The following ARPC1B variants were observed in gnomAD, a reference collection of about 807,000 sequenced individuals.
The protein encoded by ARPC1B is actin-related protein 2/3 complex subunit 1B.
ARPC1B carries 29 observed loss-of-function variants against 46.0 expected under a neutral mutation model. The ratio of observed to expected loss-of-function variants is 0.63; its 90% confidence interval spans 0.47 to 0.86. ARPC1B has a LOEUF of 0.86. Ranked by LOEUF, ARPC1B falls within the 40% of genes least tolerant of loss-of-function variation. The pLI is 0.00. For synonymous variants in ARPC1B, 201 were observed against 213.9 expected, an observed-to-expected ratio of 0.94 and a Z score of 0.53; for missense variants, 469 against 529.4, an observed-to-expected ratio of 0.89 and a Z score of 1.12.
At chr7:99,389,853 G>A (rs1029671961) in intron 4 of ARPC1B, 52 bp from the exon 5 acceptor site, 1 of 1,485,264 alleles carries the variant, frequency 6.7e-7, no homozygotes, top group Non-Finnish European at 9.4e-7. Context: ...TGAGGTCCAT[G>A]AGTCCCACCT....
chr7:99,389,819 G>A, intron 4 of ARPC1B, 86 bp from the exon 5 acceptor site: 1 of 1,147,826 alleles, frequency 8.7e-7, no homozygotes, highest in East Asian at 2.3e-5. Context: ...GCAGGGAGCA[G>A]TGGGAGCCTG....
intron 1 of ARPC1B, among the ~76,000 whole-genome samples, chr7:99,384,954 A>ATTTTTTTT (rs753952597): frequency 1.5e-5 from 1 of 67,420 alleles, no homozygotes; most frequent in African/African-American, 7.5e-5. Flanking sequence ...CACCTGGCTA[A>ATTTTTTTT]TTTTTTTTTT....
At chr7:99,383,947 G>A (rs1025184229) in intron 1 of ARPC1B, 1 of 152,266 alleles carries the variant, frequency 6.6e-6, no homozygotes, top group Non-Finnish European at 1.5e-5. Context: ...CAGGATTCCT[G>A]TTCCCATTTT....
chr7:99,388,334 C>T, intron 4 of ARPC1B, 73 bp downstream of exon 4: 1 of 1,453,950 alleles, frequency 6.9e-7, no homozygotes, highest in Non-Finnish European at 9.5e-7. Flanking sequence ...CGGGAAGCAC[C>T]AAATGGGATG....
chr7:99,375,200 G>GCGGT (rs1490351294), intron 1 of ARPC1B, among the ~76,000 whole-genome samples: 2 of 149,352 alleles, frequency 1.3e-5, no homozygotes, highest in African/African-American at 4.9e-5. Flanking sequence ...GCCTTGCCCC[G>GCGGT]CGGTCGGTCG....
At chr7:99,381,918 T>A (rs1367695681) in intron 1 of ARPC1B, among the ~76,000 whole-genome samples, 3 of 152,192 alleles carry the variant, frequency 2.0e-5, no homozygotes, top group Non-Finnish European at 4.4e-5. Context: ...GGGTTCCCAG[T>A]CCTGGTTGGC....
intron 3 of ARPC1B, 84 bp downstream of exon 3, chr7:99,386,873 T>C: frequency 9.9e-7 from 1 of 1,014,580 alleles, no homozygotes. Context: ...GGCCACTCAT[T>C]GTGGAGCATC....
At chr7:99,379,133 C>T (rs937845519) in intron 1 of ARPC1B, among the ~76,000 whole-genome samples, 16 of 152,096 alleles carry the variant, frequency 1.1e-4, no homozygotes, top group African/African-American at 3.9e-4. Context: ...ATATTTGGTC[C>T]CACCCACTTG....
chr7:99,380,118 C>G (rs1382259331), intron 1 of ARPC1B, among the ~76,000 whole-genome samples: 1 of 152,162 alleles, frequency 6.6e-6, no homozygotes, highest in Non-Finnish European at 1.5e-5. Flanking sequence ...CTGAGACATC[C>G]AGAGCAGGGT....
chr7:99,394,779 T>TTTAA lies in ARPC1B; in HGVS notation c.*290_*291insTTAA. 1 of 957,550 alleles carries TTTAA rather than the reference T, an allele frequency of 1.0e-6. No homozygotes were observed. The highest frequency in any genetic ancestry group is 5.3e-5 in the South Asian group (1 of 18,738). 59.3% of individuals were successfully genotyped at this position (957,550 alleles called of 1,614,324 possible). ...GTGGAGGTAATAAAATGCAACTGTG[T>TTTAA]AAAAAAAAAAAAAAAAAAAAAAGTA... On this transcript the variant is annotated 3_prime_UTR_variant, in exon 10 of 10. Coordinates refer to ENST00000646101, the MANE Select transcript of ARPC1B (RefSeq NM_005720.4).
At chr7:99,380,663 G>T (rs1363694180) in intron 1 of ARPC1B, among the ~76,000 whole-genome samples, 1 of 152,228 alleles carries the variant, frequency 6.6e-6, no homozygotes, top group Admixed American at 6.5e-5. Context: ...CGTGGGGGTT[G>T]CTGTCTTCAG....
At chr7:99,390,399 C>T (rs1050933144) in intron 5 of ARPC1B, among the ~76,000 whole-genome samples, 18 of 150,502 alleles carry the variant, frequency 1.2e-4, no homozygotes, top group African/African-American at 3.7e-4. Context: ...GACGGACTCT[C>T]GCTCTTTCGC....
chr7:99,389,754 C>T (rs1046063508), intron 4 of ARPC1B, 151 bp from the exon 5 acceptor site: 28 of 696,374 alleles, frequency 4.0e-5, no homozygotes, highest in Non-Finnish European at 6.3e-5. Context: ...AGGGCCCTGA[C>T]GGCCTTGTGG....
At chr7:99,389,198 A>G (rs1794494353) in intron 4 of ARPC1B, 1 of 151,206 alleles carries the variant, frequency 6.6e-6, no homozygotes, top group African/African-American at 2.4e-5. Context: ...CCGCCTCCCA[A>G]AGTGCTGGGA....
At chr7:99,383,144 C>T (rs1295441562) in intron 1 of ARPC1B, among the ~76,000 whole-genome samples, 1 of 152,182 alleles carries the variant, frequency 6.6e-6, no homozygotes, top group African/African-American at 2.4e-5. Flanking sequence ...CGTGCCTGGC[C>T]TCATTCCTAA....
intron 1 of ARPC1B, among the ~76,000 whole-genome samples, chr7:99,380,143 G>A (rs923825996): frequency 1.3e-5 from 2 of 152,140 alleles, no homozygotes; most frequent in Admixed American, 6.5e-5. Flanking sequence ...GGCAGGCGGG[G>A]GTGAGCACAC....
chr7:99,377,504 G>A (rs573720806), intron 1 of ARPC1B: 2 of 151,982 alleles, frequency 1.3e-5, no homozygotes, highest in East Asian at 3.9e-4. Context: ...GTAGAGACGG[G>A]GTTTCACCAT....
In ARPC1B at chr7:99,380,848, AAG is replaced by A. The variant is rs1269837692; in HGVS notation, c.-13-4853_-13-4852del. 3.9e-5 allele frequency among the ~76,000 whole-genome samples: 6 copies of A among 152,208 alleles called. No homozygotes were observed. In the South Asian group the frequency reaches 1.2e-3, roughly 32 times the overall value. ...TTCAGTCTGGGCCTCCTGGGGCTGA[AAG>A]GGAGGGAAAAATTGGCCTCAGCTGG... is the stretch of plus-strand genomic sequence containing the variant. On this transcript the variant is annotated intron_variant, in intron 1 of 9. Coordinates refer to ENST00000646101, the MANE Select transcript of ARPC1B (RefSeq NM_005720.4).
intron 8 of ARPC1B, 150 bp from the exon 9 acceptor site, chr7:99,393,879 G>A (rs1457111944): frequency 1.2e-5 from 9 of 732,894 alleles, no homozygotes; most frequent in Non-Finnish European, 1.9e-5. Context: ...TGTCCCCAAG[G>A]CAGAACTGAC....
Sources: gnomAD v4.1 joint callset for allele counts (sites outside exome capture counted in the v4.1 genomes callset) on GRCh38, gnomAD v4.1.1 for gene constraint, MANE v1.5 for transcripts, NCBI Gene and HGNC (gene_info 2026-07-23, HGNC 2026-07-21) for gene names.